Variants in EPB42 observed in about 807,000 individuals in gnomAD.
The protein encoded by EPB42 is protein 4.2.
In EPB42, 49 loss-of-function variants were observed where a neutral mutation model predicts 76.9. That is an observed-to-expected ratio of 0.64 (90% confidence interval 0.51 to 0.81). The LOEUF is 0.81. EPB42 is among the 30% of genes least tolerant of loss of function. The probability of loss-of-function intolerance (pLI) is 0.00; values close to 1 mark genes in which losing one functional copy is unlikely to be tolerated. For missense variants in EPB42, 731 were observed against 867.6 expected (o/e 0.84, Z 1.98); for synonymous variants, 310 against 338.4 (o/e 0.92, Z 0.92).
intron 7 of EPB42, 144 bp downstream of exon 7, chr15:43,208,493 C>A: frequency 6.9e-7 from 1 of 1,447,372 alleles, no homozygotes. Context: ...CACACCATCA[C>A]TGACCATCAG....
intron 10 of EPB42, among the ~76,000 whole-genome samples, chr15:43,205,650 T>C (rs773741160): frequency 6.6e-6 from 1 of 152,184 alleles, no homozygotes; most frequent in Non-Finnish European, 1.5e-5. Context: ...TCTGTCCACT[T>C]TGGCCTCCCA....
intron 12 of EPB42, among the ~76,000 whole-genome samples, chr15:43,201,095 G>A (rs1372967873): frequency 6.6e-6 from 1 of 152,120 alleles, no homozygotes; most frequent in Non-Finnish European, 1.5e-5. Context: ...GATTACAGGC[G>A]TGAGCCACCG....
At chr15:43,220,334 C>G (rs529960345) in intron 1 of EPB42, among the ~76,000 whole-genome samples, 10 of 152,048 alleles carry the variant, frequency 6.6e-5, no homozygotes, top group Admixed American at 1.3e-4. Flanking sequence ...TTCCCTGACT[C>G]CCTCCTCTCC....
chr15:43,201,720 A>T, intron 12 of EPB42, 124 bp downstream of exon 12: 1 of 1,398,412 alleles, frequency 7.2e-7, no homozygotes, highest in Non-Finnish European at 1.0e-6. Context: ...CTAATCCTTT[A>T]GTTTAGTTTC....
chr15:43,214,737 C>G (rs2042352136), intron 3 of EPB42, among the ~76,000 whole-genome samples: 1 of 152,174 alleles, frequency 6.6e-6, no homozygotes, highest in African/African-American at 2.4e-5. Context: ...GAGGCCCTCT[C>G]CAGTTCTCAC....
At chr15:43,197,822 C>T (rs937892479) in intron 12 of EPB42, among the ~76,000 whole-genome samples, 10 of 152,146 alleles carry the variant, frequency 6.6e-5, no homozygotes, top group Non-Finnish European at 1.3e-4. Context: ...AATTCTATCT[C>T]CCAGAATTCC....
intron 5 of EPB42, 36 bp downstream of exon 5, chr15:43,210,299 C>A (rs768338326): frequency 7.5e-6 from 12 of 1,590,638 alleles, no homozygotes; most frequent in Non-Finnish European, 9.5e-6. Flanking sequence ...TTTTTCTCAC[C>A]CCTGCCCCAT....
At position 43,215,332 on chromosome 15, in the gene EPB42, T is replaced by C. The variant is rs2142315516; in HGVS notation, c.197-4A>G. 1.2e-6 allele frequency: 2 copies of C among 1,614,026 alleles called. No homozygotes were observed. The highest frequency in any genetic ancestry group is 1.3e-5 in the African/African-American group (1 of 75,040). On this transcript the variant is annotated splice_region_variant and splice_polypyrimidine_tract_variant and intron_variant, in intron 2 of 12. Transcript: ENST00000441366. Reference sequence around the variant, plus strand: ...TTGATCTTGGAAGGCTGCTCTCCTGTAGTCACACGGTGATTAGTCTGTCAC... The same window carrying C: ...TTGATCTTGGAAGGCTGCTCTCCTGCAGTCACACGGTGATTAGTCTGTCAC...
chr15:43,214,990 G>T lies in EPB42; in HGVS notation c.430+105C>A, dbSNP rs575875905. ...TGGGTGTTGGTGCTGTCCTTAGAGA[G>T]GGCTGCCACAGGGGCCTGGTGCAGG... On this transcript the variant is annotated intron_variant, in intron 3 of 12. Coordinates refer to ENST00000441366, the MANE Select transcript of EPB42 (RefSeq NM_001114134.2). 2.9e-5 allele frequency: 28 copies of T among 958,616 alleles called. No homozygotes were observed. In the South Asian group the frequency reaches 3.9e-4, roughly 13 times the overall value. The allele number at this position is 958,616 out of a possible 1,614,324, so 59.4% of individuals were successfully genotyped here.
rs1276582122 is a variant in EPB42, at chr15:43,207,200, T to G, written c.1317A>C (p.Glu439Asp). 6.2e-7 allele frequency: 1 copy of G among 1,614,158 alleles called. No homozygotes were observed. Among genetic ancestry groups the G allele is most frequent in the Admixed American group, 1.7e-5 (1 of 60,016 alleles). The part of the protein sequence containing the change: ...EDITQNYKYP[E>D]GSLQEKEVLE... ...CTGGGGCCCTTCCCTGGCCCGTACCTTCAGGATACTTGTAGTTCTGAGTGA... is the reference window on the plus strand; with the variant it reads ...CTGGGGCCCTTCCCTGGCCCGTACCGTCAGGATACTTGTAGTTCTGAGTGA... The change falls in exon 9 of 13, where the codon GAA becomes GAC. Residue 439 changes from glutamate (E) to aspartate (D), a missense_variant and splice_region_variant. Physicochemically the swap from Glu to Asp is conservative, Grantham distance 45. Coordinates refer to ENST00000441366, the MANE Select transcript of EPB42 (RefSeq NM_001114134.2).
upstream of EPB42, among the ~76,000 whole-genome samples, chr15:43,223,719 C>G (rs1258760070): frequency 6.6e-6 from 1 of 152,068 alleles, no homozygotes; most frequent in Non-Finnish European, 1.5e-5. Flanking sequence ...GTGGCTCATG[C>G]CTGTAATCCC....
At chr15:43,208,828 G>A in intron 6 of EPB42, 53 bp from the exon 7 acceptor site, 1 of 1,588,390 alleles carries the variant, frequency 6.3e-7, no homozygotes, top group Non-Finnish European at 8.6e-7. Flanking sequence ...CGGGCTGGGG[G>A]CGTGTGGGAG....
upstream of EPB42, among the ~76,000 whole-genome samples, chr15:43,221,915 G>A (rs2042465128): frequency 6.6e-6 from 1 of 151,788 alleles, no homozygotes; most frequent in South Asian, 2.1e-4. Flanking sequence ...AGCCAAGTCA[G>A]GCGGATCACC....
chr15:43,197,646 G>GC (rs1645014825), intron 12 of EPB42, among the ~76,000 whole-genome samples, 182 bp from the exon 13 acceptor site: 1 of 152,250 alleles, frequency 6.6e-6, no homozygotes. Context: ...CCAATGCTGA[G>GC]CAACTGCATG....
At chr15:43,204,972 C>T (rs921043775) in intron 10 of EPB42, among the ~76,000 whole-genome samples, 1 of 145,174 alleles carries the variant, frequency 6.9e-6, no homozygotes, top group African/African-American at 2.6e-5. Flanking sequence ...CCGCCCCCCC[C>T]CCAAAAAAAA....
At chr15:43,216,245 G>C (rs759747453) in intron 2 of EPB42, 23 bp downstream of exon 2, 4 of 1,612,802 alleles carry the variant, frequency 2.5e-6, no homozygotes, top group African/African-American at 2.7e-5. Context: ...GCTGCCAAAG[G>C]AGTCTAGGCC....
upstream of EPB42, among the ~76,000 whole-genome samples, chr15:43,224,800 A>G (rs1197167988): frequency 6.6e-6 from 1 of 152,238 alleles, no homozygotes; most frequent in Non-Finnish European, 1.5e-5. Flanking sequence ...GTTTTGAGAC[A>G]GGGTCTTGCT....
intron 2 of EPB42, among the ~76,000 whole-genome samples, chr15:43,215,773 T>C (rs2042368950): frequency 6.6e-6 from 1 of 152,244 alleles, no homozygotes. Flanking sequence ...CTCGGCTCAT[T>C]GCAACCTCCA....
chr15:43,208,310 C>G lies in EPB42; in HGVS notation c.995G>C (p.Cys332Ser). 1.2e-6 allele frequency: 2 copies of G among 1,614,102 alleles called. No individual in the cohort carries two copies. The highest frequency in any genetic ancestry group is 1.7e-6 in the Non-Finnish European group (2 of 1,179,976). ...RIWIFQTSTE[C>S]WMTRPALPQG... ...GGGCAAGGCAGGCCGCGTCATCCAG[C>G]ACTCTGTGGAAGTCTGGAAGATCCT... Residue 332 changes from cysteine (C) to serine (S), a missense_variant, in exon 8 of 13, where the codon TGC becomes TCC. By Grantham distance (112) the Cys-to-Ser change is moderately radical. Coordinates refer to ENST00000441366, the MANE Select transcript of EPB42 (RefSeq NM_001114134.2).
Sources: allele counts gnomAD v4.1 joint callset (sites outside exome capture counted in the v4.1 genomes callset), GRCh38; gene constraint gnomAD v4.1.1; transcripts MANE v1.5; gene names NCBI Gene and HGNC (gene_info 2026-07-23, HGNC 2026-07-21).